Variants in NEK10 observed in about 807,000 individuals in gnomAD.
The protein encoded by NEK10 is NIMA related kinase 10.
A neutral mutation model predicts 159.8 loss-of-function variants in NEK10; 122 were observed. The observed-to-expected ratio is 0.76, with a 90% CI of 0.66 to 0.89. The LOEUF (loss-of-function observed/expected upper bound fraction) is 0.89, where lower values mean the gene tolerates loss of function less well. NEK10 is among the 40% of genes least tolerant of loss of function. The pLI, the probability that NEK10 is intolerant of heterozygous loss-of-function variation, is 0.00. For synonymous variants in NEK10, 466 were observed against 457.1 expected, an observed-to-expected ratio of 1.02 and a Z score of -0.25; for missense variants, 1,342 against 1,323.1, an observed-to-expected ratio of 1.01 and a Z score of -0.22.
chr3:27,342,326 G>T (rs75083871), intron 5 of NEK10, among the ~76,000 whole-genome samples: 2,289 of 152,248 alleles, frequency 0.015, 61 homozygotes, highest in African/African-American at 0.052. Flanking sequence ...AGAAAAAAAA[G>T]GAGGGATGAT....
chr3:27,251,587 G>A (rs1321841190), intron 23 of NEK10, among the ~76,000 whole-genome samples: 1 of 152,144 alleles, frequency 6.6e-6, no homozygotes, highest in Non-Finnish European at 1.5e-5. Flanking sequence ...CAGAAGCCAA[G>A]AAGATACCAG....
intron 5 of NEK10, among the ~76,000 whole-genome samples, chr3:27,338,657 T>A (rs192458836): frequency 1.6e-4 from 24 of 152,388 alleles, no homozygotes; most frequent in African/African-American, 5.5e-4. Flanking sequence ...TGGTTTTGAT[T>A]TGCATTTCTC....
chr3:27,333,420 C>A (rs2046568458), intron 5 of NEK10, among the ~76,000 whole-genome samples: 2 of 151,958 alleles, frequency 1.3e-5, no homozygotes, highest in South Asian at 2.1e-4. Context: ...GTGGCAGGCA[C>A]CTGTAATCCT....
At chr3:27,254,869 A>G (rs1435684413) in intron 23 of NEK10, among the ~76,000 whole-genome samples, 1 of 151,142 alleles carries the variant, frequency 6.6e-6, no homozygotes, top group African/African-American at 2.4e-5. Context: ...AAAAGTTGGC[A>G]TGTTTTGGAT....
intron 32 of NEK10, among the ~76,000 whole-genome samples, chr3:27,127,873 T>C (rs551489509): frequency 5.9e-5 from 9 of 152,236 alleles, no homozygotes; most frequent in African/African-American, 1.7e-4. Context: ...ACTCTTTCTC[T>C]CCCTTTTCTT....
chr3:27,363,495 C>T (rs2048831921), intron 1 of NEK10, among the ~76,000 whole-genome samples: 1 of 151,980 alleles, frequency 6.6e-6, no homozygotes, highest in African/African-American at 2.4e-5. Context: ...TGGGAAGCTC[C>T]AAATATAACT....
At chr3:27,131,426 A>G (rs1255305316) in intron 32 of NEK10, among the ~76,000 whole-genome samples, 2 of 152,206 alleles carry the variant, frequency 1.3e-5, no homozygotes, top group Non-Finnish European at 2.9e-5. Context: ...TCTAAGGTCT[A>G]GAAGATTGTA....
chr3:27,237,261 T>A (rs559390697), intron 23 of NEK10, among the ~76,000 whole-genome samples: 2 of 152,296 alleles, frequency 1.3e-5, no homozygotes, highest in East Asian at 3.9e-4. Flanking sequence ...CAAACATGCA[T>A]GTTTTACAAT....
At chr3:27,363,911 C>A (rs542402802) in intron 1 of NEK10, 44 of 152,164 alleles carry the variant, frequency 2.9e-4, no homozygotes, top group African/African-American at 1.1e-3. Flanking sequence ...CACTGAGTGA[C>A]CTCAGAAATG....
At chr3:27,299,799 G>A (rs1438859585) in intron 13 of NEK10, among the ~76,000 whole-genome samples, 3 of 152,196 alleles carry the variant, frequency 2.0e-5, no homozygotes, top group African/African-American at 7.2e-5. Context: ...CTGCCCTGCT[G>A]GATTCTGGAC....
intron 13 of NEK10, among the ~76,000 whole-genome samples, chr3:27,300,161 T>G (rs188491176): frequency 6.6e-6 from 1 of 152,318 alleles, no homozygotes; most frequent in East Asian, 1.9e-4. Flanking sequence ...TTTTCATGTG[T>G]CATGGGAGGA....
At chr3:27,313,647 A>G (rs549086435) in intron 7 of NEK10, among the ~76,000 whole-genome samples, 2 of 152,256 alleles carry the variant, frequency 1.3e-5, no homozygotes, top group Non-Finnish European at 2.9e-5. Flanking sequence ...GCATATATAT[A>G]TACATATTTC....
chr3:27,116,309 TC>T (rs1324537153), intron 33 of NEK10, among the ~76,000 whole-genome samples, 182 bp from the exon 34 acceptor site: 1 of 152,204 alleles, frequency 6.6e-6, no homozygotes, highest in Non-Finnish European at 1.5e-5. Context: ...TGTTTTCCTT[TC>T]TTTAATAACT....
At chr3:27,187,281 C>T (rs967274490) in intron 26 of NEK10, among the ~76,000 whole-genome samples, 1 of 152,060 alleles carries the variant, frequency 6.6e-6, no homozygotes, top group African/African-American at 2.4e-5. Context: ...TTGCCATCTT[C>T]GGAAGAGGAC....
At chr3:27,252,953 C>T (rs759783506) in intron 23 of NEK10, 5 of 496,336 alleles carry the variant, frequency 1.0e-5, no homozygotes, top group African/African-American at 5.8e-5. Context: ...TTAAAATTCT[C>T]AAAATTTTGA....
At chr3:27,167,351 A>G in intron 29 of NEK10, among the ~76,000 whole-genome samples, 1 of 152,164 alleles carries the variant, frequency 6.6e-6, no homozygotes, top group East Asian at 1.9e-4. Flanking sequence ...GAGAATGCAA[A>G]GATGAATTAG....
chr3:27,107,937 A>G lies in NEK10; in HGVS notation c.*3335T>C, dbSNP rs967914116. On this transcript the variant is annotated 3_prime_UTR_variant, in exon 36 of 36. Coordinates refer to ENST00000691995, the MANE Select transcript of NEK10 (RefSeq NM_001394966.1). ...TAGCAATACATACATGCTATAATAC[A>G]TCAAATCAAAAAGAGGAATGTGGGT... 6.6e-6 allele frequency among the ~76,000 whole-genome samples: 1 copy of G among 152,222 alleles called. No individual in the cohort carries two copies. The highest frequency in any genetic ancestry group is 2.1e-4 in the South Asian group (1 of 4,830).
chr3:27,221,413 A>T (rs1952087536), intron 23 of NEK10, among the ~76,000 whole-genome samples: 1 of 152,264 alleles, frequency 6.6e-6, no homozygotes, highest in Non-Finnish European at 1.5e-5. Context: ...ATACCATGTC[A>T]TACCCACTAG....
chr3:27,205,917 A>T (rs996484418), intron 23 of NEK10, among the ~76,000 whole-genome samples: 9 of 150,934 alleles, frequency 6.0e-5, no homozygotes, highest in Non-Finnish European at 1.0e-4. Context: ...CAGAGTGAAC[A>T]GGCAACCTAC....
Sources: gnomAD v4.1 joint callset for allele counts (sites outside exome capture counted in the v4.1 genomes callset) on GRCh38, gnomAD v4.1.1 for gene constraint, MANE v1.5 for transcripts, NCBI Gene and HGNC (gene_info 2026-07-23, HGNC 2026-07-21) for gene names.